Variants in ZKSCAN4 observed in about 807,000 individuals in gnomAD.
ZKSCAN4 encodes the protein zinc finger with KRAB and SCAN domains 4, also known as zinc finger protein with KRAB and SCAN domains 4.
ZKSCAN4 carries 23 observed loss-of-function variants against 30.8 expected under a neutral mutation model. The observed-to-expected ratio is 0.75, with a 90% confidence interval of 0.54 to 1.06. The LOEUF (loss-of-function observed/expected upper bound fraction) is 1.06. ZKSCAN4 is among the 50% of genes least tolerant of loss of function. The pLI, the probability that ZKSCAN4 is intolerant of heterozygous loss-of-function variation, is 0.00. For missense variants in ZKSCAN4, 556 were observed against 665.4 expected, an observed-to-expected ratio of 0.84 and a Z score of 1.81; for synonymous variants, 208 against 252.5, an observed-to-expected ratio of 0.82 and a Z score of 1.67.
chr6:28,257,463 TG>T, the ZKSCAN4 span, among the ~76,000 whole-genome samples: 1 of 152,114 alleles, frequency 6.6e-6, no homozygotes, highest in Non-Finnish European at 1.5e-5. Flanking sequence ...GATGATGGGT[TG>T]ATAGGTGCAG....
rs1760577660 is a variant in ZKSCAN4, at chr6:28,243,533, T to A, written c.*1583A>T. Reference sequence around the variant, plus strand: ...GGTGAAAGCAGAAGATATCAAAAAATTCTTATTTCTTGTGAATAACTCACA... The same window carrying A: ...GGTGAAAGCAGAAGATATCAAAAAAATCTTATTTCTTGTGAATAACTCACA... On this transcript the variant is annotated 3_prime_UTR_variant, in exon 5 of 5. Coordinates refer to ENST00000377294, the MANE Select transcript of ZKSCAN4 (RefSeq NM_019110.5). 6.6e-6 allele frequency among the ~76,000 whole-genome samples: 1 copy of A among 152,162 alleles called. No individual in the cohort carries two copies. Among genetic ancestry groups the A allele is most frequent in the South Asian group, 2.1e-4 (1 of 4,836 alleles).
chr6:28,245,860 T>C lies in ZKSCAN4; in HGVS notation c.894A>G (p.Ala298=). ...ACCTGCCCTCCTGTTCACCAGCTTC[T>C]GCATGTGTAGGAATCTGGGCAATGT... ...REDIAQIPTH[A]EAGEQEGRLQ... The change falls in exon 5 of 5, where the codon GCA becomes GCG. Residue 298 remains alanine (A), a synonymous_variant. Coordinates refer to ENST00000377294, the MANE Select transcript of ZKSCAN4 (RefSeq NM_019110.5). The C allele has an allele frequency of 1.9e-6, 3 of 1,614,250 alleles. No homozygotes were observed. The highest frequency in any genetic ancestry group is 2.7e-5 in the African/African-American group (2 of 75,076).
chr6:28,252,876 C>G (rs1411039431), upstream of ZKSCAN4, among the ~76,000 whole-genome samples: 3 of 152,150 alleles, frequency 2.0e-5, no homozygotes. Flanking sequence ...CAGAAACTCT[C>G]TAGTCTCTGG....
chr6:28,251,669 G>A lies in ZKSCAN4; in HGVS notation c.312C>T (p.Ile104=), dbSNP rs770126637. ...CCCAGCTCTGCAGATTCCCCGGCAGGATGGTCAGGAACTGCTCCAGCACCA... is the reference window on the plus strand; with the variant it reads ...CCCAGCTCTGCAGATTCCCCGGCAGAATGGTCAGGAACTGCTCCAGCACCA... ...ELLVLEQFLT[I]LPGNLQSWVR... The change falls in exon 1 of 5, where the codon ATC becomes ATT. Residue 104 remains isoleucine (I), a synonymous_variant. Coordinates refer to ENST00000377294, the MANE Select transcript of ZKSCAN4 (RefSeq NM_019110.5). The surrounding 1 kb of genome is among the most constrained non-coding windows in gnomAD (Gnocchi z 4.5). The A allele has an allele frequency of 1.9e-6, 3 of 1,614,100 alleles. No homozygotes were observed. The highest frequency in any genetic ancestry group is 2.5e-6 in the Non-Finnish European group (3 of 1,180,052).
intron 4 of ZKSCAN4, 50 bp downstream of exon 4, chr6:28,246,919 A>T: frequency 6.4e-7 from 1 of 1,574,306 alleles, no homozygotes. Context: ...AGGTTCTAAT[A>T]CGCAAAGAAT....
Position 28,252,094 on chromosome 6 carries a change from A to C in ZKSCAN4, c.-114T>G. 8.3e-7 allele frequency: 1 copy of C among 1,203,310 alleles called. No individual in the cohort carries two copies. Among genetic ancestry groups the C allele is most frequent in the Non-Finnish European group, 1.1e-6 (1 of 871,542 alleles). The allele number at this position is 1,203,310 out of a possible 1,614,324, so 74.5% of individuals were successfully genotyped here. A position where few individuals can be genotyped will look rare whatever the true frequency, so the allele number is the denominator to read the frequency against. On this transcript the variant is annotated 5_prime_UTR_variant, in exon 1 of 5. It removes an upstream start codon present in the reference 5' UTR. Coordinates refer to ENST00000377294, the MANE Select transcript of ZKSCAN4 (RefSeq NM_019110.5). ...AACTGCAAGTGGTCCCCCTCCTGTC[A>C]TGCCCAGGGGCCCAGGACACCCCCT...
At chr6:28,246,102 G>A in intron 4 of ZKSCAN4, 127 bp from the exon 5 acceptor site, 1 of 1,298,132 alleles carries the variant, frequency 7.7e-7, no homozygotes, top group South Asian at 1.4e-5. Context: ...TTAAGTGCTA[G>A]AATAAGAATG....
At position 28,245,978 on chromosome 6, in the gene ZKSCAN4, G is replaced by T. The variant is rs1445283597; in HGVS notation, c.779-3C>A. 6.2e-7 allele frequency: 1 copy of T among 1,614,138 alleles called. No individual in the cohort carries two copies. Among genetic ancestry groups the T allele is most frequent in the Non-Finnish European group, 8.5e-7 (1 of 1,180,020 alleles). On this transcript the variant is annotated splice_polypyrimidine_tract_variant and splice_region_variant and intron_variant, in intron 4 of 4. Coordinates refer to ENST00000377294, the MANE Select transcript of ZKSCAN4 (RefSeq NM_019110.5). ...GCTCTTAGTCTGTATTTCACCACCT[G>T]AAACAACAAATGGCCGGCAACTGTG...
upstream of ZKSCAN4, chr6:28,252,310 G>A: frequency 5.0e-6 from 1 of 199,370 alleles, no homozygotes; most frequent in African/African-American, 2.3e-5. Context: ...GCCACTTCCT[G>A]GGCGCTCTAG....
Position 28,245,144 on chromosome 6 carries a change from T to C in ZKSCAN4, c.1610A>G (p.His537Arg). The C allele has an allele frequency of 6.2e-7, 1 of 1,614,048 alleles. No individual in the cohort carries two copies. The highest frequency in any genetic ancestry group is 1.3e-5 in the African/African-American group (1 of 75,040). The change falls in exon 5 of 5, where the codon CAT becomes CGT. Residue 537 changes from histidine to arginine, a missense_variant. By Grantham distance (29) the His-to-Arg change is conservative (BLOSUM62 0). Transcript: ENST00000377294. Reference protein sequence around the residue: ...TSYLVQHQRSHVGKKTLSQ With the variant: ...TSYLVQHQRSRVGKKTLSQ ...CTGTGAAAGAGTTTTTTTCCCTACATGGCTTCTCTGATGTTGAACAAGGTA... is the reference window on the plus strand; with the variant it reads ...CTGTGAAAGAGTTTTTTTCCCTACACGGCTTCTCTGATGTTGAACAAGGTA...
At position 28,243,386 on chromosome 6, in the gene ZKSCAN4, A is replaced by G. The variant is rs1431200399; in HGVS notation, c.*1730T>C. Among the ~76,000 whole-genome samples, 1 of 152,228 alleles carries G rather than the reference A, an allele frequency of 6.6e-6. No individual in the cohort carries two copies. Among genetic ancestry groups the G allele is most frequent in the Non-Finnish European group, 1.5e-5 (1 of 68,034 alleles). On this transcript the variant is annotated 3_prime_UTR_variant, in exon 5 of 5. Transcript: ENST00000377294. ...AACACGATGCTGGTGACTGAATAAAACATGGTCAGGGATTTCATCAGAAGC... is the reference window on the plus strand; with the variant it reads ...AACACGATGCTGGTGACTGAATAAAGCATGGTCAGGGATTTCATCAGAAGC...
the ZKSCAN4 span, among the ~76,000 whole-genome samples, chr6:28,257,406 G>T: frequency 6.6e-6 from 1 of 152,142 alleles, no homozygotes; most frequent in Admixed American, 6.5e-5. Flanking sequence ...AGGATGGGAG[G>T]GAGAGCAGCA....
intron 1 of ZKSCAN4, among the ~76,000 whole-genome samples, chr6:28,250,236 G>A (rs1161367253): frequency 2.0e-5 from 3 of 152,016 alleles, no homozygotes; most frequent in Admixed American, 1.3e-4. Context: ...CCCGGCTAAT[G>A]TTTTGTACTT....
At chr6:28,257,388 G>A in the ZKSCAN4 span, among the ~76,000 whole-genome samples, 1 of 152,128 alleles carries the variant, frequency 6.6e-6, no homozygotes, top group Admixed American at 6.5e-5. Flanking sequence ...AGGGCCTGTG[G>A]GGGGTGGAGG....
rs772347713 is a variant in ZKSCAN4 at position 28,251,623 on chromosome 6, T to C, written c.358A>G (p.Ser120Gly). 53 of 1,613,950 alleles carry C rather than the reference T, an allele frequency of 3.3e-5. No homozygotes were observed. Among genetic ancestry groups the C allele is most frequent in the Non-Finnish European group, 4.3e-5 (51 of 1,180,004 alleles). Residue 120 changes from serine to glycine, a missense_variant, in exon 1 of 5, where the codon AGC (serine) becomes GGC (glycine). Coordinates refer to ENST00000377294, the MANE Select transcript of ZKSCAN4 (RefSeq NM_019110.5). This position sits in a 1 kb window ranked among gnomAD's most constrained non-coding sequence, Gnocchi z 4.5. ...AATAGCACCACCACCTCCTCCCCGCTCTCTGGATGCTGCTCCCGCACCCAG... is the reference window on the plus strand; with the variant it reads ...AATAGCACCACCACCTCCTCCCCGCCCTCTGGATGCTGCTCCCGCACCCAG... Reference protein sequence around the residue: ...QSWVREQHPESGEEVVVLLEY... With the variant: ...QSWVREQHPEGGEEVVVLLEY...
At chr6:28,246,117 T>TA (rs1760722205) in intron 4 of ZKSCAN4, 142 bp from the exon 5 acceptor site, 1 of 1,181,330 alleles carries the variant, frequency 8.5e-7, no homozygotes, top group African/African-American at 1.5e-5. Context: ...AGAATGGGAA[T>TA]AAAAAGGGAG....
chr6:28,250,866 AGTTAGAAGATTT>A (rs1471990844), intron 1 of ZKSCAN4, among the ~76,000 whole-genome samples: 1 of 151,946 alleles, frequency 6.6e-6, no homozygotes, highest in Non-Finnish European at 1.5e-5. Flanking sequence ...CCAGCTCACC[AGTTAGAAGATTT>A]GGCCACACAG....
At chr6:28,255,807 C>T (rs1761158923), upstream of ZKSCAN4, among the ~76,000 whole-genome samples, 2 of 151,086 alleles carry the variant, frequency 1.3e-5, no homozygotes, top group East Asian at 1.9e-4. Flanking sequence ...TTTTTTGGGC[C>T]CTGGGGGGTA....
At position 28,248,078 on chromosome 6, in the gene ZKSCAN4, G is replaced by T; in HGVS notation, c.643C>A (p.Pro215Thr). ...GAGCTCCAGCTCACCTGGGACCCTG[G>T]AGTGAGCCTGGAAGCTACCATTGCA... Reference protein sequence around the residue: ...EDAMVASRLTPGSQGLLKMED... With the variant: ...EDAMVASRLTTGSQGLLKMED... Residue 215 changes from proline (P) to threonine (T), a missense_variant, in exon 3 of 5, where the codon CCA (proline) becomes ACA (threonine). Around this residue, in one of 3 missense-constraint regions of ZKSCAN4, gnomAD observed 433 missense variants for 511.5 expected, o/e 0.85. Coordinates refer to ENST00000377294, the MANE Select transcript of ZKSCAN4 (RefSeq NM_019110.5). 6.2e-7 allele frequency: 1 copy of T among 1,612,776 alleles called. No individual in the cohort carries two copies. Among genetic ancestry groups the T allele is most frequent in the South Asian group, 1.1e-5 (1 of 90,776 alleles).
Sources: allele counts gnomAD v4.1 joint callset (sites outside exome capture counted in the v4.1 genomes callset), GRCh38; gene constraint gnomAD v4.1.1; regional missense constraint gnomAD v4.1.1; non-coding constraint Gnocchi (gnomAD v3.1); transcripts MANE v1.5; gene names NCBI Gene and HGNC (gene_info 2026-07-23, HGNC 2026-07-21).